The following MTMR10 variants were observed in gnomAD, a reference collection of about 807,000 sequenced individuals.
The protein encoded by MTMR10 is myotubularin-related protein 10.
MTMR10 carries 56 observed loss-of-function variants against 88.1 expected under a neutral mutation model. That is an observed-to-expected ratio of 0.64 (90% CI 0.51 to 0.79). The LOEUF is 0.79. Among genes scored for constraint, MTMR10 ranks in the 30% least tolerant of loss-of-function variants. The pLI, the probability that MTMR10 is intolerant of heterozygous loss-of-function variation, is 0.00. For synonymous variants in MTMR10, 380 were observed against 340.9 expected (o/e 1.11, Z -1.26); for missense variants, 883 against 924.7 (o/e 0.95, Z 0.58).
At chr15:30,974,750 T>C (rs1002949215) in intron 4 of MTMR10, among the ~76,000 whole-genome samples, 181 bp downstream of exon 4, 1 of 152,188 alleles carries the variant, frequency 6.6e-6, no homozygotes, top group African/African-American at 2.4e-5. Context: ...ATACATTTTA[T>C]ATCTTCCTTT....
chr15:30,927,336 A>G, the MTMR10 span: 4 of 985,556 alleles, frequency 4.1e-6, no homozygotes, highest in Non-Finnish European at 4.8e-6. Flanking sequence ...GCTGGGAAAG[A>G]GCATGAAGTG....
intron 14 of MTMR10, 118 bp from the exon 15 acceptor site, chr15:30,943,190 C>T (rs1319980481): frequency 7.0e-7 from 1 of 1,419,820 alleles, no homozygotes; most frequent in Non-Finnish European, 9.2e-7. Flanking sequence ...CCCTCAAAAC[C>T]CACCAGAGTG....
chr15:30,946,463 C>T (rs1345587454), intron 14 of MTMR10: 1 of 362,348 alleles, frequency 2.8e-6, no homozygotes, highest in East Asian at 4.5e-5. Context: ...CCCTAGGTCA[C>T]ACTGCCTAGC....
At chr15:30,930,938 T>A in the MTMR10 span, among the ~76,000 whole-genome samples, 2 of 152,154 alleles carry the variant, frequency 1.3e-5, no homozygotes, top group African/African-American at 2.4e-5. Context: ...CCTGCTGTAT[T>A]CTGTGGTTAG....
At chr15:30,986,402 T>C (rs986038397) in intron 2 of MTMR10, among the ~76,000 whole-genome samples, 4 of 151,888 alleles carry the variant, frequency 2.6e-5, no homozygotes, top group African/African-American at 9.7e-5. Context: ...ATTGTATCTA[T>C]AGTATTATAA....
At chr15:30,921,928 T>G in the MTMR10 span, among the ~76,000 whole-genome samples, 1 of 152,224 alleles carries the variant, frequency 6.6e-6, no homozygotes, top group Non-Finnish European at 1.5e-5. Flanking sequence ...TGCCTGGAAC[T>G]TGACCCTGTG....
At chr15:30,943,152 T>A in intron 14 of MTMR10, 80 bp from the exon 15 acceptor site, 1 of 1,485,114 alleles carries the variant, frequency 6.7e-7, no homozygotes, top group Non-Finnish European at 8.9e-7. Flanking sequence ...CACTCATCAT[T>A]ACACAGGTTA....
chr15:30,983,641 A>G (rs1435161903), intron 2 of MTMR10, among the ~76,000 whole-genome samples: 2 of 152,212 alleles, frequency 1.3e-5, no homozygotes, highest in Admixed American at 6.5e-5. Context: ...GGCCAAAAGC[A>G]TAACTTAACT....
At chr15:30,950,695 A>G (rs1364360289) in intron 12 of MTMR10, among the ~76,000 whole-genome samples, 3 of 152,070 alleles carry the variant, frequency 2.0e-5, no homozygotes. Context: ...TACTTCTGCA[A>G]GCTTAAGCAA....
intron 5 of MTMR10, among the ~76,000 whole-genome samples, chr15:30,968,629 G>A (rs776312165): frequency 3.3e-5 from 5 of 151,676 alleles, no homozygotes; most frequent in Admixed American, 6.6e-5. Flanking sequence ...GGTGGAAAAC[G>A]TGCGGGCTTT....
chr15:30,962,878 G>A (rs2063421295), intron 6 of MTMR10, among the ~76,000 whole-genome samples: 1 of 152,186 alleles, frequency 6.6e-6, no homozygotes, highest in Non-Finnish European at 1.5e-5. Flanking sequence ...ACTAAAGAGA[G>A]TTCTAAGGAA....
chr15:30,939,596 A>G lies in MTMR10; in HGVS notation c.*1874T>C. 1 of 934,614 alleles carries G rather than the reference A, an allele frequency of 1.1e-6. No individual in the cohort carries two copies. Among genetic ancestry groups the G allele is most frequent in the Non-Finnish European group, 1.3e-6 (1 of 783,778 alleles). 57.9% of individuals were successfully genotyped at this position (934,614 alleles called of 1,614,324 possible). A position where few individuals can be genotyped will look rare whatever the true frequency, so the allele number is the denominator to read the frequency against. ...ATGCATTTTTCTATTTTTAACCATTATTAATAGTACCTAATATTTTTAAAC... is the reference window on the plus strand; with the variant it reads ...ATGCATTTTTCTATTTTTAACCATTGTTAATAGTACCTAATATTTTTAAAC... On this transcript the variant is annotated 3_prime_UTR_variant, in exon 16 of 16. Coordinates refer to ENST00000435680, the MANE Select transcript of MTMR10 (RefSeq NM_017762.3).
intron 5 of MTMR10, among the ~76,000 whole-genome samples, chr15:30,969,547 C>T (rs2063512635): frequency 6.6e-6 from 1 of 152,136 alleles, no homozygotes; most frequent in South Asian, 2.1e-4. Flanking sequence ...TGCTACACTG[C>T]CATAGCCACA....
In MTMR10 at chr15:30,941,448, A is replaced by G; in HGVS notation, c.*22T>C. 1.3e-6 allele frequency: 2 copies of G among 1,579,694 alleles called. No individual in the cohort carries two copies. The highest frequency in any genetic ancestry group is 1.7e-6 in the Non-Finnish European group (2 of 1,164,414). On this transcript the variant is annotated 3_prime_UTR_variant, in exon 16 of 16. Transcript: ENST00000435680. Reference sequence around the variant, plus strand: ...GAAAAAAGTTGACAGCTTCCCTCAAAATGTTCAGAAAACACCCTATTTTAG... The same window carrying G: ...GAAAAAAGTTGACAGCTTCCCTCAAGATGTTCAGAAAACACCCTATTTTAG...
intron 2 of MTMR10, among the ~76,000 whole-genome samples, chr15:30,989,052 C>T (rs2031139028): frequency 6.6e-6 from 1 of 150,500 alleles, no homozygotes; most frequent in Admixed American, 6.6e-5. Context: ...CTGACATTTA[C>T]AGCTAAGACC....
chr15:30,980,264 G>A (rs2030477503), intron 2 of MTMR10, among the ~76,000 whole-genome samples: 1 of 152,192 alleles, frequency 6.6e-6, no homozygotes, highest in Non-Finnish European at 1.5e-5. Flanking sequence ...ACTAGAATGT[G>A]TCCATGCAAG....
chr15:30,969,091 G>A (rs928687040), intron 5 of MTMR10, among the ~76,000 whole-genome samples: 3 of 152,166 alleles, frequency 2.0e-5, no homozygotes, highest in African/African-American at 7.2e-5. Context: ...GTTAGTTCAT[G>A]TCAAATTAGT....
chr15:30,973,862 A>G (rs16956418), intron 5 of MTMR10, among the ~76,000 whole-genome samples: 1,861 of 152,248 alleles, frequency 0.012, 30 homozygotes, highest in African/African-American at 0.041. Flanking sequence ...ATTTCTTTAA[A>G]CCACTAATAA....
the MTMR10 span, chr15:30,925,204 C>G: frequency 6.2e-7 from 1 of 1,614,010 alleles, no homozygotes; most frequent in South Asian, 1.1e-5. Context: ...ATCAGCGAGC[C>G]GTGCGCCTGC....
Sources: allele counts gnomAD v4.1 joint callset (sites outside exome capture counted in the v4.1 genomes callset), GRCh38; gene constraint gnomAD v4.1.1; transcripts MANE v1.5; gene names NCBI Gene and HGNC (gene_info 2026-07-23, HGNC 2026-07-21).